Variants in PEPD observed in about 807,000 individuals in gnomAD.
The protein encoded by PEPD is xaa-Pro dipeptidase.
In PEPD, 53 loss-of-function variants were observed where a neutral mutation model predicts 60.7. That is an observed-to-expected ratio of 0.87 (90% confidence interval 0.70 to 1.10). PEPD has a LOEUF of 1.10. Ranked by LOEUF, PEPD falls within the 50% of genes least tolerant of loss-of-function variation. PEPD has a pLI of 0.00. For missense variants in PEPD, 711 were observed against 711.9 expected (o/e 1.00, Z 0.01); for synonymous variants, 267 against 284.1 (o/e 0.94, Z 0.60).
At chr19:33,502,121 C>T (rs1390657066) in intron 3 of PEPD, among the ~76,000 whole-genome samples, 2 of 152,186 alleles carry the variant, frequency 1.3e-5, no homozygotes, top group South Asian at 4.1e-4. Context: ...AGTGACAGAG[C>T]TTACGCAAGG....
chr19:33,452,352 G>C (rs567951417), intron 9 of PEPD, among the ~76,000 whole-genome samples: 1 of 151,408 alleles, frequency 6.6e-6, no homozygotes, highest in South Asian at 2.1e-4. Context: ...TTACTAAAGA[G>C]GAAAAAATAA....
chr19:33,393,304 G>GTCTGGCGTGGGGGAGAGCCCGGGA (rs1968275353), intron 12 of PEPD, among the ~76,000 whole-genome samples: 3 of 151,690 alleles, frequency 2.0e-5, no homozygotes, highest in African/African-American at 7.3e-5. Flanking sequence ...AGAGCCCGGG[G>GTCTGGCGTGGGGGAGAGCCCGGGA]TCTGGCGTGG....
At chr19:33,411,924 C>T (rs1376758403) in intron 10 of PEPD, among the ~76,000 whole-genome samples, 175 bp from the exon 11 acceptor site, 1 of 152,222 alleles carries the variant, frequency 6.6e-6, no homozygotes, top group Non-Finnish European at 1.5e-5. Flanking sequence ...ACATGGTGGC[C>T]CTGTCACCCC....
intron 12 of PEPD, among the ~76,000 whole-genome samples, chr19:33,393,077 ACCCCC>A (rs201050520): frequency 7.6e-4 from 115 of 151,784 alleles, no homozygotes; most frequent in South Asian, 1.2e-3. Context: ...ACCTGCCCCC[ACCCCC>A]CACACAGAGC....
At chr19:33,392,403 A>T (rs1968245632) in intron 12 of PEPD, among the ~76,000 whole-genome samples, 1 of 152,166 alleles carries the variant, frequency 6.6e-6, no homozygotes, top group Non-Finnish European at 1.5e-5. Flanking sequence ...TCCTCATGGT[A>T]GCTTCCACTG....
At chr19:33,521,049 C>T (rs1971121473) in intron 1 of PEPD, among the ~76,000 whole-genome samples, 1 of 152,166 alleles carries the variant, frequency 6.6e-6, no homozygotes, top group Non-Finnish European at 1.5e-5. Flanking sequence ...GAGATTCCGC[C>T]CAACGCTCTG....
intron 7 of PEPD, 30 bp from the exon 8 acceptor site, chr19:33,464,092 T>C (rs1969977590): frequency 6.5e-7 from 1 of 1,530,676 alleles, no homozygotes; most frequent in Non-Finnish European, 9.0e-7. Context: ...AAGCAGCAAA[T>C]CAGTGACTTT....
At chr19:33,419,710 T>C (rs1968970525) in intron 9 of PEPD, among the ~76,000 whole-genome samples, 1 of 152,228 alleles carries the variant, frequency 6.6e-6, no homozygotes, top group Non-Finnish European at 1.5e-5. Context: ...CAGTGGGTGA[T>C]GCCATGGCTA....
chr19:33,440,974 C>T (rs1393277225), intron 9 of PEPD, among the ~76,000 whole-genome samples: 3 of 152,160 alleles, frequency 2.0e-5, no homozygotes, highest in Non-Finnish European at 2.9e-5. Context: ...ATGATGGGCA[C>T]CCATCAGCCT....
chr19:33,447,254 A>C (rs910448586), intron 9 of PEPD, among the ~76,000 whole-genome samples: 1 of 152,194 alleles, frequency 6.6e-6, no homozygotes, highest in Non-Finnish European at 1.5e-5. Flanking sequence ...GGGTGGCCCC[A>C]GGGGAACACT....
In PEPD at chr19:33,391,468, G is replaced by T. The variant is rs1218428995; in HGVS notation, c.979C>A (p.Pro327Thr). ...CGGTCAGCCAGGCGGTGCATGTCAG[G>T]CCACCAGACACCTGTGGGCCAGAGG... ...MGAMKPGVWW[P>T]DMHRLADRIH... The change falls in exon 13 of 15, where the codon CCT (proline) becomes ACT (threonine). Residue 327 changes from proline to threonine, a missense_variant. Transcript: ENST00000244137. The T allele has an allele frequency of 1.3e-6, 2 of 1,550,650 alleles. No homozygotes were observed. Among genetic ancestry groups the T allele is most frequent in the Non-Finnish European group, 1.7e-6 (2 of 1,147,538 alleles).
At chr19:33,502,952 C>CA (rs773265664) in intron 3 of PEPD, among the ~76,000 whole-genome samples, 1 of 77,418 alleles carries the variant, frequency 1.3e-5, no homozygotes, top group African/African-American at 4.9e-5. Context: ...AACTGGGGGG[C>CA]GGGGGGGGGT....
rs537227229 is a variant in PEPD at position 33,438,060 on chromosome 19, C to A, written c.672-24417G>T. Reference sequence around the variant, plus strand: ...CGGTGCATGAGAGCCACGGGCAATTCTCCTGGGCTCCTGGAAGTAGCCCTC... The same window carrying A: ...CGGTGCATGAGAGCCACGGGCAATTATCCTGGGCTCCTGGAAGTAGCCCTC... On this transcript the variant is annotated intron_variant, in intron 9 of 14. Coordinates refer to ENST00000244137, the MANE Select transcript of PEPD (RefSeq NM_000285.4). Among the ~76,000 whole-genome samples the A allele has an allele frequency of 3.9e-5, 6 of 152,346 alleles. No homozygotes were observed. The South Asian group carries it at 1.2e-3, about 32-fold the overall frequency.
chr19:33,426,882 A>G (rs1455756357), intron 9 of PEPD, among the ~76,000 whole-genome samples: 1 of 152,238 alleles, frequency 6.6e-6, no homozygotes, highest in Non-Finnish European at 1.5e-5. Context: ...CCCAGGACGC[A>G]GCGAAATGTG....
chr19:33,481,437 G>A (rs1970312260), intron 6 of PEPD, among the ~76,000 whole-genome samples: 1 of 151,982 alleles, frequency 6.6e-6, no homozygotes, highest in Non-Finnish European at 1.5e-5. Context: ...GTGGTGGCTT[G>A]TGCCTGTAGT....
intron 12 of PEPD, among the ~76,000 whole-genome samples, chr19:33,396,568 C>T (rs1045403802): frequency 4.6e-5 from 7 of 152,142 alleles, no homozygotes; most frequent in African/African-American, 1.2e-4. Flanking sequence ...AGCGGGGGAA[C>T]GAAACACAAA....
chr19:33,488,353 G>C (rs1254755108), intron 6 of PEPD, among the ~76,000 whole-genome samples: 1 of 152,122 alleles, frequency 6.6e-6, no homozygotes, highest in East Asian at 1.9e-4. Flanking sequence ...GTTACACGTG[G>C]AGGAGCTGAG....
At chr19:33,419,071 G>A (rs1968953818) in intron 9 of PEPD, among the ~76,000 whole-genome samples, 1 of 152,156 alleles carries the variant, frequency 6.6e-6, no homozygotes, top group South Asian at 2.1e-4. Flanking sequence ...TCCTACACCA[G>A]TCCTGGCCCA....
intron 9 of PEPD, among the ~76,000 whole-genome samples, chr19:33,455,535 C>T (rs74462538): frequency 0.035 from 5,234 of 151,646 alleles, 154 homozygotes; most frequent in East Asian, 0.077. Flanking sequence ...TGGAGTCTCA[C>T]TCTGTCGCCC....
Sources: gnomAD v4.1 joint callset for allele counts (sites outside exome capture counted in the v4.1 genomes callset) on GRCh38, gnomAD v4.1.1 for gene constraint, MANE v1.5 for transcripts, NCBI Gene and HGNC (gene_info 2026-07-23, HGNC 2026-07-21) for gene names.